Variants in MYO6 observed in about 807,000 individuals in gnomAD.
The protein encoded by MYO6 is unconventional myosin-VI.
In MYO6, 74 loss-of-function variants were observed where a neutral mutation model predicts 178.7. The ratio of observed to expected loss-of-function variants is 0.41; its 90% CI spans 0.34 to 0.50. MYO6 has a LOEUF of 0.50. Among genes scored for constraint, MYO6 ranks in the 20% least tolerant of loss-of-function variants. The probability of loss-of-function intolerance (pLI) is 0.09; values close to 1 mark genes in which losing one functional copy is unlikely to be tolerated. For synonymous variants in MYO6, 477 were observed against 504.6 expected (o/e 0.95, Z 0.73); for missense variants, 1,330 against 1,547.4 (o/e 0.86, Z 2.36).
chr6:75,784,260 C>T (rs559922215), intron 1 of MYO6, among the ~76,000 whole-genome samples: 5 of 151,774 alleles, frequency 3.3e-5, no homozygotes, highest in African/African-American at 9.7e-5. Flanking sequence ...TGTGAGCCAC[C>T]GTGCCCAGCC....
intron 7 of MYO6, among the ~76,000 whole-genome samples, chr6:75,840,384 A>G (rs1468331331): frequency 6.6e-6 from 1 of 152,018 alleles, no homozygotes; most frequent in Non-Finnish European, 1.5e-5. Flanking sequence ...GTTGGTCTCG[A>G]ACTCCTGACC....
At chr6:75,780,720 T>C (rs1322907343) in intron 1 of MYO6, among the ~76,000 whole-genome samples, 18 of 152,158 alleles carry the variant, frequency 1.2e-4, no homozygotes, top group Admixed American at 1.1e-3. Flanking sequence ...TAATTCCCTC[T>C]ATATGATATA....
At chr6:75,880,888 T>G (rs1777963115) in intron 22 of MYO6, among the ~76,000 whole-genome samples, 1 of 152,220 alleles carries the variant, frequency 6.6e-6, no homozygotes, top group Non-Finnish European at 1.5e-5. Flanking sequence ...TTTTATTAGT[T>G]AAGAACCTAC....
At chr6:75,817,034 G>A (rs1771326193) in intron 1 of MYO6, among the ~76,000 whole-genome samples, 2 of 152,162 alleles carry the variant, frequency 1.3e-5, no homozygotes, top group Admixed American at 6.5e-5. Context: ...GGCCGGGCAC[G>A]GTGGCTCACG....
At chr6:75,851,652 C>T (rs563806068) in intron 11 of MYO6, among the ~76,000 whole-genome samples, 1 of 151,286 alleles carries the variant, frequency 6.6e-6, no homozygotes, top group Non-Finnish European at 1.5e-5. Flanking sequence ...AACAAAAAAA[C>T]CCCCAAAACA....
intron 14 of MYO6, among the ~76,000 whole-genome samples, chr6:75,859,913 G>T (rs934338350): frequency 6.6e-6 from 1 of 152,058 alleles, no homozygotes; most frequent in East Asian, 1.9e-4. Flanking sequence ...GCCTGCCTCA[G>T]CCTCTAACAG....
intron 5 of MYO6, 32 bp downstream of exon 5, chr6:75,830,577 T>A (rs752213352): frequency 1.4e-5 from 23 of 1,589,308 alleles, no homozygotes; most frequent in Non-Finnish European, 2.0e-5. Context: ...TTAATTCTTG[T>A]CTTTCTTTAT....
At chr6:75,862,480 T>C in intron 15 of MYO6, 116 bp from the exon 16 acceptor site, 1 of 923,862 alleles carries the variant, frequency 1.1e-6, no homozygotes, top group Non-Finnish European at 1.7e-6. Flanking sequence ...ACATATAGAA[T>C]CACATGCTAT....
chr6:75,785,055 A>AT (rs1767399211), intron 1 of MYO6, among the ~76,000 whole-genome samples: 1 of 152,074 alleles, frequency 6.6e-6, no homozygotes, highest in Non-Finnish European at 1.5e-5. Context: ...GTAAATTATC[A>AT]TTTTTTCATC....
At chr6:75,781,312 T>C (rs780577985) in intron 1 of MYO6, among the ~76,000 whole-genome samples, 5 of 152,176 alleles carry the variant, frequency 3.3e-5, no homozygotes, top group African/African-American at 1.2e-4. Flanking sequence ...ATTTGCTTAA[T>C]TTTTGAAGCA....
rs1425017333 is a variant in MYO6 at position 75,830,325 on chromosome 6, T to C, written c.262-91T>C. On this transcript the variant is annotated intron_variant, in intron 4 of 34. Transcript: ENST00000369977. Reference sequence around the variant, plus strand: ...GTCTTAGTTATATAGATAATTGAAATTTTTTGTATTTTATTTTTTCTATGA... The same window carrying C: ...GTCTTAGTTATATAGATAATTGAAACTTTTTGTATTTTATTTTTTCTATGA... 7 of 1,260,360 alleles carry C rather than the reference T, an allele frequency of 5.6e-6. No homozygotes were observed. The East Asian group carries it at 1.7e-4, about 31-fold the overall frequency. The allele number at this position is 1,260,360 out of a possible 1,614,324, so 78.1% of individuals were successfully genotyped here.
intron 1 of MYO6, among the ~76,000 whole-genome samples, chr6:75,802,057 T>C (rs942975902): frequency 5.9e-5 from 9 of 152,250 alleles, no homozygotes; most frequent in Non-Finnish European, 1.0e-4. Flanking sequence ...AAATGAAAAA[T>C]TTCAGTGAAA....
intron 7 of MYO6, among the ~76,000 whole-genome samples, chr6:75,837,725 A>G (rs986699968): frequency 6.6e-6 from 1 of 152,194 alleles, no homozygotes; most frequent in Non-Finnish European, 1.5e-5. Flanking sequence ...TAATATAAAG[A>G]ATTTCCTAGT....
At chr6:75,813,076 C>A (rs2150152594) in intron 1 of MYO6, among the ~76,000 whole-genome samples, 1 of 152,274 alleles carries the variant, frequency 6.6e-6, no homozygotes, top group Non-Finnish European at 1.5e-5. Context: ...TTAGAATATT[C>A]TGTGTACTTA....
At chr6:75,833,345 A>G (rs971524074) in intron 6 of MYO6, among the ~76,000 whole-genome samples, 1 of 152,208 alleles carries the variant, frequency 6.6e-6, no homozygotes, top group African/African-American at 2.4e-5. Context: ...GTTGTCAACC[A>G]TTTCTAAGTG....
intron 29 of MYO6, among the ~76,000 whole-genome samples, chr6:75,897,883 T>C (rs1779428245): frequency 6.6e-6 from 1 of 152,242 alleles, no homozygotes; most frequent in South Asian, 2.1e-4. Flanking sequence ...AAGCATGCTT[T>C]GATTTGGAAT....
chr6:75,890,781 C>T (rs767601583), intron 26 of MYO6, among the ~76,000 whole-genome samples: 8 of 152,192 alleles, frequency 5.3e-5, no homozygotes, highest in Admixed American at 2.0e-4. Flanking sequence ...TAGCCTCTTA[C>T]ACCTGAGGAT....
At position 75,879,849 on chromosome 6, in the gene MYO6, G is replaced by C. The variant is rs753163582; in HGVS notation, c.2107G>C (p.Gly703Arg). 49 of 1,613,878 alleles carry C rather than the reference G, an allele frequency of 3.0e-5. No homozygotes were observed. In the South Asian group the frequency reaches 5.2e-4, roughly 17 times the overall value. Residue 703 changes from glycine (G) to arginine (R), a missense_variant, in exon 21 of 35, where the codon GGT (glycine) becomes CGT (arginine). Coordinates refer to ENST00000369977, the MANE Select transcript of MYO6 (RefSeq NM_004999.4). ...GGTGTCTGTTTTGGACTTGATGCAG[G>C]GTGGTTACCCATCACGAGCTTCATT... The part of the protein sequence containing the change: ...GMVSVLDLMQ[G>R]GYPSRASFHE...
In MYO6 at chr6:75,859,691, G is replaced by A. The variant is rs117357299; in HGVS notation, c.1473+698G>A. On this transcript the variant is annotated intron_variant, in intron 14 of 34. Transcript: ENST00000369977. Reference sequence around the variant, plus strand: ...TCTTTTTTTTTTTTTTTTTTGAGACGAAGTCTTGCTCAGGCTGGAATGCAG... The same window carrying A: ...TCTTTTTTTTTTTTTTTTTTGAGACAAAGTCTTGCTCAGGCTGGAATGCAG... Among the ~76,000 whole-genome samples the A allele has an allele frequency of 0.016, 1,783 of 114,566 alleles. 69 individuals are homozygous for A. The East Asian group carries it at 0.17, about 11-fold the overall frequency. 75.2% of individuals were successfully genotyped at this position (114,566 alleles called of 152,430 possible).
Sources: gnomAD v4.1 joint callset for allele counts (sites outside exome capture counted in the v4.1 genomes callset) on GRCh38, gnomAD v4.1.1 for gene constraint, MANE v1.5 for transcripts, NCBI Gene and HGNC (gene_info 2026-07-23, HGNC 2026-07-21) for gene names.